Variants in KCNJ16 observed in about 807,000 individuals in gnomAD.
The protein encoded by KCNJ16 is potassium inwardly rectifying channel subfamily J member 16, also known as inward rectifier potassium channel 16.
Under a neutral mutation model 18.5 loss-of-function variants are expected in KCNJ16, and 15 were observed. That is an observed-to-expected ratio of 0.81 (90% CI 0.54 to 1.25). The LOEUF is 1.25. Among genes scored for constraint, KCNJ16 ranks in the 50% most tolerant of loss-of-function variants. The pLI, the probability that KCNJ16 is intolerant of heterozygous loss-of-function variation, is 0.00. For missense variants in KCNJ16, 523 were observed against 525.7 expected, an observed-to-expected ratio of 0.99 and a Z score of 0.05; for synonymous variants, 174 against 186.5, an observed-to-expected ratio of 0.93 and a Z score of 0.55.
intron 1 of KCNJ16, among the ~76,000 whole-genome samples, chr17:70,089,265 A>T (rs2071975890): frequency 6.6e-6 from 1 of 151,510 alleles, no homozygotes; most frequent in Admixed American, 6.6e-5. Context: ...CATTTATTTC[A>T]CTCTTTTTCT....
At chr17:70,105,643 A>T (rs78394823) in intron 2 of KCNJ16, among the ~76,000 whole-genome samples, 5,581 of 152,324 alleles carry the variant, frequency 0.037, 93 homozygotes, top group Middle Eastern at 0.068. Flanking sequence ...TAACTTCAAT[A>T]AATAATAAGC....
intron 1 of KCNJ16, among the ~76,000 whole-genome samples, chr17:70,085,982 G>A (rs192554879): frequency 2.0e-5 from 3 of 152,270 alleles, no homozygotes; most frequent in East Asian, 1.9e-4. Flanking sequence ...TGGTCCCAAC[G>A]ACAGATGGAA....
intron 2 of KCNJ16, among the ~76,000 whole-genome samples, chr17:70,111,995 A>C (rs2073206390): frequency 6.6e-6 from 1 of 152,218 alleles, no homozygotes; most frequent in Non-Finnish European, 1.5e-5. Flanking sequence ...TGTTGCTTTC[A>C]TACAAAGAAC....
chr17:70,090,795 C>T (rs111784767), intron 1 of KCNJ16, among the ~76,000 whole-genome samples: 3,752 of 152,142 alleles, frequency 0.025, 52 homozygotes, highest in Non-Finnish European at 0.035. Context: ...CTCACAATAC[C>T]GCTAACCCAC....
At chr17:70,108,810 T>G (rs1017289651) in intron 2 of KCNJ16, among the ~76,000 whole-genome samples, 7 of 152,146 alleles carry the variant, frequency 4.6e-5, no homozygotes. Flanking sequence ...CCTTTCTCCT[T>G]GCCCGTTTTT....
chr17:70,131,244 T>TA (rs2074049222), intron 3 of KCNJ16: 1 of 803,800 alleles, frequency 1.2e-6, no homozygotes. Flanking sequence ...GGATGAATGT[T>TA]ATGAGACAAA....
chr17:70,132,455 T>G lies in KCNJ16; in HGVS notation c.368T>G (p.Leu123Trp). 5 of 1,614,192 alleles carry G rather than the reference T, an allele frequency of 3.1e-6. No homozygotes were observed. The highest frequency in any genetic ancestry group is 4.2e-6 in the Non-Finnish European group (5 of 1,180,030). The stretch of plus-strand genomic sequence containing the variant: ...GTCCATTCTTTCACAGGGGCCTTTT[T>G]GTTCTCCCTAGAGACCCAAACCACC... ...DNVHSFTGAF[L>W]FSLETQTTIG... is the part of the protein sequence containing the mutation. The change falls in exon 4 of 4, where the codon TTG becomes TGG. Residue 123 changes from leucine (L) to tryptophan (W), a missense_variant. By Grantham distance (61) the Leu-to-Trp change is moderately conservative. Coordinates refer to ENST00000392671, the MANE Select transcript of KCNJ16 (RefSeq NM_170741.4).
In KCNJ16 at chr17:70,090,735, G is replaced by C. The variant is rs1245260819; in HGVS notation, c.-299-9923G>C. Among the ~76,000 whole-genome samples, 25 of 136,428 alleles carry C rather than the reference G, an allele frequency of 1.8e-4. 1 individual carries two copies. Among genetic ancestry groups the C allele is most frequent in the South Asian group, 7.5e-4 (3 of 3,982 alleles). The allele number at this position is 136,428 out of a possible 152,430, so 89.5% of individuals were successfully genotyped here. A position where few individuals can be genotyped will look rare whatever the true frequency, so the allele number is the denominator to read the frequency against. ...AATACCGCTAACCCACTCACAATATGGCTAACCCACTCACAATACCGCTAA... is the reference window on the plus strand; with the variant it reads ...AATACCGCTAACCCACTCACAATATCGCTAACCCACTCACAATACCGCTAA... On this transcript the variant is annotated intron_variant, in intron 1 of 3. Coordinates refer to ENST00000392671, the MANE Select transcript of KCNJ16 (RefSeq NM_170741.4).
In KCNJ16 at chr17:70,133,211, G is replaced by T; in HGVS notation, c.1124G>T (p.Ser375Ile). The T allele has an allele frequency of 6.2e-7, 1 of 1,614,190 alleles. No individual in the cohort carries two copies. The highest frequency in any genetic ancestry group is 1.1e-5 in the South Asian group (1 of 91,084). Reference sequence around the variant, plus strand: ...ACCAAGGCGAGACGAAGGTCATTTAGTGCAGTTGCCATTGTCAGCAGCTGT... The same window carrying T: ...ACCAAGGCGAGACGAAGGTCATTTATTGCAGTTGCCATTGTCAGCAGCTGT... ...SDTKARRRSF[S>I]AVAIVSSCEN... Residue 375 changes from serine (S) to isoleucine (I), a missense_variant, in exon 4 of 4, where the codon AGT becomes ATT. Physicochemically the swap from Ser to Ile is moderately radical, Grantham distance 142. Transcript: ENST00000392671.
At chr17:70,096,832 C>T (rs1322400899) in intron 1 of KCNJ16, 1 of 396,502 alleles carries the variant, frequency 2.5e-6, no homozygotes, top group Non-Finnish European at 4.4e-6. Flanking sequence ...CAAGTTACAG[C>T]TAGTAACTTG....
intron 1 of KCNJ16, among the ~76,000 whole-genome samples, chr17:70,090,989 C>A (rs1200233045): frequency 2.1e-5 from 1 of 46,932 alleles, no homozygotes; most frequent in Non-Finnish European, 5.3e-5. Context: ...CCTTCTCTGC[C>A]TCCACTTCTC....
At chr17:70,130,588 C>A (rs1167983636) in intron 2 of KCNJ16, among the ~76,000 whole-genome samples, 5 of 152,130 alleles carry the variant, frequency 3.3e-5, no homozygotes, top group African/African-American at 1.2e-4. Context: ...AAAATTGATT[C>A]TTTTTCACTG....
intron 2 of KCNJ16, among the ~76,000 whole-genome samples, chr17:70,119,559 C>T (rs2073547846): frequency 6.6e-6 from 1 of 152,164 alleles, no homozygotes; most frequent in Non-Finnish European, 1.5e-5. Flanking sequence ...GGCTTAACAC[C>T]ACATAGAAGT....
At chr17:70,084,879 T>C (rs894964041) in intron 1 of KCNJ16, among the ~76,000 whole-genome samples, 1 of 152,186 alleles carries the variant, frequency 6.6e-6, no homozygotes, top group Non-Finnish European at 1.5e-5. Flanking sequence ...CAAACCTCTA[T>C]TGTGAAAACT....
intron 2 of KCNJ16, among the ~76,000 whole-genome samples, chr17:70,116,384 T>C (rs544864022): frequency 2.2e-3 from 333 of 152,206 alleles, no homozygotes; most frequent in African/African-American, 7.8e-3. Flanking sequence ...CAAATAGCCC[T>C]CCAATGTAGT....
At chr17:70,087,965 C>CGA (rs1252814405) in intron 1 of KCNJ16, among the ~76,000 whole-genome samples, 1 of 123,542 alleles carries the variant, frequency 8.1e-6, no homozygotes, top group Non-Finnish European at 1.6e-5. Context: ...GCAGTGAAGC[C>CGA]GAGATAGCGC....
chr17:70,084,268 A>T (rs577690062), intron 1 of KCNJ16, among the ~76,000 whole-genome samples: 1 of 152,318 alleles, frequency 6.6e-6, no homozygotes, highest in South Asian at 2.1e-4. Context: ...AGTTAGTTAA[A>T]TTGGTACAAT....
intron 1 of KCNJ16, among the ~76,000 whole-genome samples, chr17:70,084,354 G>A (rs1224252212): frequency 2.0e-5 from 3 of 152,156 alleles, no homozygotes; most frequent in Non-Finnish European, 4.4e-5. Context: ...ACATTGAAGA[G>A]TCCATTAAGT....
intron 2 of KCNJ16, among the ~76,000 whole-genome samples, chr17:70,103,465 C>T (rs9895008): frequency 0.86 from 130,536 of 151,098 alleles, 56,637 homozygotes; most frequent in East Asian, 0.96. Flanking sequence ...CTATGCCCGA[C>T]CACACTGCCT....
Sources: gnomAD v4.1 joint callset for allele counts (sites outside exome capture counted in the v4.1 genomes callset) on GRCh38, gnomAD v4.1.1 for gene constraint, MANE v1.5 for transcripts, NCBI Gene and HGNC (gene_info 2026-07-23, HGNC 2026-07-21) for gene names.